Variants in ACADS observed in about 807,000 individuals in gnomAD.
ACADS encodes the protein short-chain specific acyl-CoA dehydrogenase, mitochondrial.
In ACADS, 28 loss-of-function variants were observed where a neutral mutation model predicts 46.8. The observed-to-expected ratio is 0.60, with a 90% CI of 0.44 to 0.82. The LOEUF is 0.82. Among genes scored for constraint, ACADS ranks in the 40% least tolerant of loss-of-function variants. The pLI is 0.00. For missense variants in ACADS, 528 were observed against 578.0 expected (o/e 0.91, Z 0.89); for synonymous variants, 236 against 237.7 (o/e 0.99, Z 0.07).
chr12:120,737,208 G>A (rs1045688829), intron 3 of ACADS, 73 bp downstream of exon 3: 15 of 1,544,244 alleles, frequency 9.7e-6, no homozygotes, highest in Admixed American at 2.0e-5. Flanking sequence ...CTCTGGCCTC[G>A]GCTCCCAGCC....
chr12:120,734,448 GA>G (rs1883361954), intron 2 of ACADS, among the ~76,000 whole-genome samples: 1 of 152,212 alleles, frequency 6.6e-6, no homozygotes, highest in Admixed American at 6.5e-5. Context: ...GTACGTGTGG[GA>G]GACTCGGAGA....
At chr12:120,730,901 G>T (rs1299806738) in intron 2 of ACADS, among the ~76,000 whole-genome samples, 3 of 152,160 alleles carry the variant, frequency 2.0e-5, no homozygotes, top group African/African-American at 7.2e-5. Context: ...TTTTGGTGAG[G>T]TTCATGCCTA....
Position 120,739,163 on chromosome 12 carries a change from C to A in ACADS, c.1053C>A (p.Ala351=). 1.9e-6 allele frequency: 3 copies of A among 1,613,064 alleles called. No individual in the cohort carries two copies. Among genetic ancestry groups the A allele is most frequent in the Non-Finnish European group, 2.5e-6 (3 of 1,180,016 alleles). Residue 351 remains alanine, a synonymous_variant, in exon 9 of 10, where the codon GCC becomes GCA. Coordinates refer to ENST00000242592, the MANE Select transcript of ACADS (RefSeq NM_000017.4). ...FIKEAAMAKL[A]ASEAATAISH... is the part of the protein sequence containing the mutation. ...AGGAGGCAGCCATGGCCAAGCTGGC[C>A]GCCTCGGAGGCCGCGACCGCCATCA...
intron 2 of ACADS, among the ~76,000 whole-genome samples, chr12:120,735,603 A>T (rs1258015549): frequency 6.6e-6 from 1 of 152,096 alleles, no homozygotes; most frequent in African/African-American, 2.4e-5. Context: ...TCATGGTAGT[A>T]TAAGAACATG....
At position 120,728,630 on chromosome 12, in the gene ACADS, C is replaced by T. The variant is rs979101286; in HGVS notation, c.210+1441C>T. ...AACAATTGTTTCCTGCCTCAGCCTC[C>T]CGAGTAGCTGGGATTACAGGCGCAC... is the stretch of plus-strand genomic sequence containing the variant. On this transcript the variant is annotated intron_variant, in intron 2 of 9. Transcript: ENST00000242592. This position sits in a 1 kb window ranked among gnomAD's most constrained non-coding sequence, Gnocchi z 4.0. Among the ~76,000 whole-genome samples the T allele has an allele frequency of 1.3e-5, 2 of 151,998 alleles. No individual in the cohort carries two copies. The highest frequency in any genetic ancestry group is 4.8e-5 in the African/African-American group (2 of 41,460).
chr12:120,738,199 G>A (rs757784821), intron 5 of ACADS, 81 bp from the exon 6 acceptor site: 5 of 1,606,156 alleles, frequency 3.1e-6, no homozygotes, highest in Non-Finnish European at 4.3e-6. Context: ...GTGGGGAGGG[G>A]ACCGGGTTGG....
At chr12:120,738,186 G>C in intron 5 of ACADS, 94 bp from the exon 6 acceptor site, 1 of 1,599,176 alleles carries the variant, frequency 6.3e-7, no homozygotes, top group Non-Finnish European at 8.5e-7. Flanking sequence ...GCTTCTGAGG[G>C]AGGTGGGGAG....
chr12:120,726,309 C>G (rs1311123056), intron 1 of ACADS, among the ~76,000 whole-genome samples: 1 of 152,094 alleles, frequency 6.6e-6, no homozygotes, highest in East Asian at 1.9e-4. Flanking sequence ...CCTCGGTTGG[C>G]CCATGTGTAA....
intron 1 of ACADS, 99 bp downstream of exon 1, chr12:120,726,030 G>T: frequency 8.0e-7 from 1 of 1,257,220 alleles, no homozygotes; most frequent in Non-Finnish European, 1.1e-6. Flanking sequence ...GCTGGCAGGC[G>T]GAGCCCCACT....
chr12:120,727,155 AG>A lies in ACADS; in HGVS notation c.178del (p.Val60TrpfsTer12), dbSNP rs1883112173. On this transcript the variant is annotated frameshift_variant, in exon 2 of 10. Transcript: ENST00000242592. LOFTEE classifies it high-confidence loss of function. The stretch of plus-strand genomic sequence containing the variant: ...AAGGAGTTGTTTCCCATTGCAGCCC[AG>A]GTGGATAAGGAACATCTCTTCCCAG... ...AEKELFPIAA[Q>X]VDKEHLFPAA... is the part of the protein sequence containing the mutation. 2.5e-6 allele frequency: 4 copies of A among 1,614,190 alleles called. No individual in the cohort carries two copies. In the East Asian group the frequency reaches 8.9e-5, roughly 36 times the overall value.
At position 120,738,671 on chromosome 12, in the gene ACADS, G is replaced by A. The variant is rs1356660209; in HGVS notation, c.933+1G>A. On this transcript the variant is annotated splice_donor_variant, in intron 7 of 9. Transcript: ENST00000242592. LOFTEE classifies it high-confidence loss of function. The stretch of plus-strand genomic sequence containing the variant: ...CCTCACCAAGCTCCAGGTCATCCAG[G>A]TAATGGTGGCAGCTTTAGGAGCTGG... 1 of 1,611,738 alleles carries A rather than the reference G, an allele frequency of 6.2e-7. No individual in the cohort carries two copies. The highest frequency in any genetic ancestry group is 8.5e-7 in the Non-Finnish European group (1 of 1,180,028).
chr12:120,737,728 C>T (rs1160678041), intron 4 of ACADS, 109 bp from the exon 5 acceptor site: 24 of 1,508,428 alleles, frequency 1.6e-5, no homozygotes, highest in African/African-American at 1.5e-4. Flanking sequence ...CTTTGGAGCC[C>T]GAGTCATAGG....
At chr12:120,737,799 G>T (rs1223257194) in intron 4 of ACADS, 38 bp from the exon 5 acceptor site, 3 of 1,612,752 alleles carry the variant, frequency 1.9e-6, no homozygotes, top group South Asian at 1.1e-5. Context: ...GGTTGTGTGG[G>T]GTGGGGCGTG....
chr12:120,739,176 G>A lies in ACADS; in HGVS notation c.1066G>A (p.Ala356Thr), dbSNP rs768733898. Residue 356 changes from alanine (A) to threonine (T), a missense_variant, in exon 9 of 10, where the codon GCG becomes ACG. Physicochemically the swap from Ala to Thr is moderately conservative, Grantham distance 58. Transcript: ENST00000242592. ...AMAKLAASEA[A>T]TAISHQAIQI... ...GGCCAAGCTGGCCGCCTCGGAGGCC[G>A]CGACCGCCATCAGCCACCAGGTGAG... 9.9e-6 allele frequency: 16 copies of A among 1,613,024 alleles called. No individual in the cohort carries two copies. Among genetic ancestry groups the A allele is most frequent in the Non-Finnish European group, 1.4e-5 (16 of 1,179,996 alleles).
intron 2 of ACADS, among the ~76,000 whole-genome samples, chr12:120,736,052 G>A (rs1883426623): frequency 6.6e-6 from 1 of 151,934 alleles, no homozygotes; most frequent in Non-Finnish European, 1.5e-5. Flanking sequence ...TGCTCTCCCA[G>A]AGATAAGTGG....
In ACADS at chr12:120,737,047, C is replaced by G; in HGVS notation, c.272C>G (p.Ala91Gly). ...AMDVPEELGG[A>G]GLDYLAYAIA... The stretch of plus-strand genomic sequence containing the variant: ...GACGTGCCCGAGGAGCTTGGCGGTG[C>G]TGGCCTCGATTACCTGGCCTACGCC... Residue 91 changes from alanine to glycine, a missense_variant, in exon 3 of 10, where the codon GCT becomes GGT. Ala to Gly is a moderately conservative substitution (Grantham distance 60, BLOSUM62 0). Transcript: ENST00000242592. 6.2e-7 allele frequency: 1 copy of G among 1,608,656 alleles called. No homozygotes were observed.
chr12:120,726,110 G>A (rs990372060), intron 1 of ACADS, among the ~76,000 whole-genome samples, 179 bp downstream of exon 1: 1 of 150,680 alleles, frequency 6.6e-6, no homozygotes, highest in Non-Finnish European at 1.5e-5. Context: ...CCCTTCAGGC[G>A]TCCCTGGTTC....
chr12:120,735,844 G>C (rs1415100453), intron 2 of ACADS, among the ~76,000 whole-genome samples: 1 of 135,236 alleles, frequency 7.4e-6, no homozygotes, highest in Admixed American at 7.2e-5. Context: ...GTTGCAGTGA[G>C]CCGAGATCTG....
At chr12:120,731,917 G>A (rs914292382) in intron 2 of ACADS, among the ~76,000 whole-genome samples, 4 of 152,140 alleles carry the variant, frequency 2.6e-5, no homozygotes, top group African/African-American at 4.8e-5. Context: ...AACCCTGAGT[G>A]GATACAGCAC....
Sources: allele counts gnomAD v4.1 joint callset (sites outside exome capture counted in the v4.1 genomes callset), GRCh38; gene constraint gnomAD v4.1.1; non-coding constraint Gnocchi (gnomAD v3.1); transcripts MANE v1.5; gene names NCBI Gene and HGNC (gene_info 2026-07-23, HGNC 2026-07-21).